CFAP299: variants seen among roughly 807,000 people sequenced by gnomAD.
The protein encoded by CFAP299 is cilia- and flagella-associated protein 299.
A neutral mutation model predicts 27.0 loss-of-function variants in CFAP299; 21 were observed. That is an observed-to-expected ratio of 0.78 (90% CI 0.55 to 1.12). The LOEUF is 1.12. Among genes scored for constraint, CFAP299 ranks in the 50% most tolerant of loss-of-function variants. The pLI is 0.00. For missense variants in CFAP299, 310 were observed against 276.6 expected (o/e 1.12, Z -0.86); for synonymous variants, 104 against 98.1 (o/e 1.06, Z -0.36).
intron 2 of CFAP299, among the ~76,000 whole-genome samples, chr4:80,407,053 G>A (rs979862005): frequency 6.6e-6 from 1 of 151,974 alleles, no homozygotes; most frequent in African/African-American, 2.4e-5. Flanking sequence ...ACTTAGCTAT[G>A]CTGCCTAATA....
At chr4:80,792,015 T>C (rs1267525485) in intron 3 of CFAP299, among the ~76,000 whole-genome samples, 4 of 151,550 alleles carry the variant, frequency 2.6e-5, no homozygotes, top group Admixed American at 2.6e-4. Context: ...AAATGAATAA[T>C]TCAATGTTAT....
At chr4:80,650,014 G>A (rs923590670) in intron 3 of CFAP299, among the ~76,000 whole-genome samples, 26 of 151,962 alleles carry the variant, frequency 1.7e-4, no homozygotes, top group African/African-American at 6.0e-4. Context: ...TTTCAGTTGG[G>A]AGGTTAGCTT....
chr4:80,519,199 TGTG>T (rs1732775595), intron 2 of CFAP299, among the ~76,000 whole-genome samples: 1 of 128,958 alleles, frequency 7.8e-6, no homozygotes, highest in East Asian at 3.5e-4. Flanking sequence ...TGTGTGTGTA[TGTG>T]TGTGTGTGTG....
At chr4:80,543,352 AC>A (rs1357913138) in intron 2 of CFAP299, among the ~76,000 whole-genome samples, 1 of 152,226 alleles carries the variant, frequency 6.6e-6, no homozygotes, top group African/African-American at 2.4e-5. Context: ...ATGATTCTTA[AC>A]CAGATTGAAA....
At chr4:80,688,562 A>AC (rs1374261377) in intron 3 of CFAP299, among the ~76,000 whole-genome samples, 1 of 152,218 alleles carries the variant, frequency 6.6e-6, no homozygotes, top group Non-Finnish European at 1.5e-5. Flanking sequence ...ATCATCAAAG[A>AC]CAAAAGTAGA....
intron 3 of CFAP299, among the ~76,000 whole-genome samples, chr4:80,814,096 A>G (rs959621725): frequency 1.6e-4 from 25 of 151,730 alleles, no homozygotes; most frequent in Non-Finnish European, 2.9e-4. Flanking sequence ...TAGTGCAATA[A>G]TTTTTCTTCT....
chr4:80,777,210 A>G (rs952173753), intron 3 of CFAP299, among the ~76,000 whole-genome samples: 32 of 152,294 alleles, frequency 2.1e-4, no homozygotes, highest in African/African-American at 6.7e-4. Context: ...GGAGGGAGCC[A>G]TAACAAATGT....
At position 80,956,839 on chromosome 4, in the gene CFAP299, G is replaced by A. The variant is rs1430763092; in HGVS notation, c.607-6678G>A. On this transcript the variant is annotated intron_variant, in intron 5 of 5. Coordinates refer to ENST00000358105, the MANE Select transcript of CFAP299 (RefSeq NM_152770.3). Reference sequence around the variant, plus strand: ...AATAAATTTTTAAAGTATTCTATGTGTAGAGGGTAGAAAACTTTTGGCTAT... The same window carrying A: ...AATAAATTTTTAAAGTATTCTATGTATAGAGGGTAGAAAACTTTTGGCTAT... Among the ~76,000 whole-genome samples the A allele has an allele frequency of 2.6e-5, 4 of 152,018 alleles. No individual in the cohort carries two copies. In the South Asian group the frequency reaches 6.2e-4, roughly 24 times the overall value.
At chr4:80,650,878 G>C (rs1300459739) in intron 3 of CFAP299, among the ~76,000 whole-genome samples, 2 of 152,016 alleles carry the variant, frequency 1.3e-5, no homozygotes, top group East Asian at 3.9e-4. Flanking sequence ...TGGGAAGGGG[G>C]TGCGGGATAT....
chr4:80,799,856 AATAT>A (rs1184610215), intron 3 of CFAP299, among the ~76,000 whole-genome samples: 1 of 27,266 alleles, frequency 3.7e-5, no homozygotes, highest in Non-Finnish European at 5.2e-5. Flanking sequence ...ATAATATATA[AATAT>A]ATATTATATA....
chr4:80,930,835 A>G (rs1383712220), intron 4 of CFAP299, among the ~76,000 whole-genome samples: 1 of 151,962 alleles, frequency 6.6e-6, no homozygotes, highest in Non-Finnish European at 1.5e-5. Context: ...TCCATCCCAA[A>G]TCCCACCCCT....
At chr4:80,900,702 A>G (rs925865552) in intron 4 of CFAP299, among the ~76,000 whole-genome samples, 5 of 152,042 alleles carry the variant, frequency 3.3e-5, no homozygotes, top group African/African-American at 4.8e-5. Context: ...ATATGGCAGT[A>G]TTCTCTGGAA....
chr4:80,917,703 A>G (rs1259926608), intron 4 of CFAP299, among the ~76,000 whole-genome samples: 1 of 152,110 alleles, frequency 6.6e-6, no homozygotes. Flanking sequence ...AGCCTTTTGT[A>G]TTTTGAGGAA....
intron 4 of CFAP299, among the ~76,000 whole-genome samples, chr4:80,935,655 G>A (rs1046872972): frequency 3.9e-5 from 6 of 152,004 alleles, no homozygotes; most frequent in South Asian, 4.1e-4. Flanking sequence ...TATAGAAACA[G>A]GCACAGATTT....
intron 4 of CFAP299, among the ~76,000 whole-genome samples, chr4:80,911,227 T>C (rs571682639): frequency 6.6e-6 from 1 of 151,498 alleles, no homozygotes; most frequent in Admixed American, 6.6e-5. Context: ...TTTTTTTTTT[T>C]TTTCTTGGAC....
chr4:80,916,219 A>ACC (rs1397778546), intron 4 of CFAP299, among the ~76,000 whole-genome samples: 1 of 136,440 alleles, frequency 7.3e-6, no homozygotes, highest in Admixed American at 7.9e-5. Flanking sequence ...CCAAGATTGT[A>ACC]CCATTGCACT....
At position 80,813,566 on chromosome 4, in the gene CFAP299, C is replaced by T. The variant is rs537279056; in HGVS notation, c.334-56427C>T. Among the ~76,000 whole-genome samples, 26 of 151,980 alleles carry T rather than the reference C, an allele frequency of 1.7e-4. 1 individual carries two copies. In the South Asian group the frequency reaches 3.3e-3, roughly 19 times the overall value. On this transcript the variant is annotated intron_variant, in intron 3 of 5. Coordinates refer to ENST00000358105, the MANE Select transcript of CFAP299 (RefSeq NM_152770.3). ...GTATCTTGTCCAAATAGTAAGGCTTCGGGGCTTGTGAATAAAAACAATGGC... is the reference window on the plus strand; with the variant it reads ...GTATCTTGTCCAAATAGTAAGGCTTTGGGGCTTGTGAATAAAAACAATGGC...
At chr4:80,684,792 T>G (rs1368989202) in intron 3 of CFAP299, among the ~76,000 whole-genome samples, 1 of 152,184 alleles carries the variant, frequency 6.6e-6, no homozygotes, top group African/African-American at 2.4e-5. Context: ...ATGCTTTTTT[T>G]TTCAGAGTAA....
chr4:80,336,029 G>A (rs1337345603), intron 1 of CFAP299, 150 bp downstream of exon 1: 1 of 610,092 alleles, frequency 1.6e-6, no homozygotes. Context: ...AGCCGCTGGC[G>A]AGGTGAATTG....
Sources: allele counts gnomAD v4.1 joint callset (sites outside exome capture counted in the v4.1 genomes callset), GRCh38; gene constraint gnomAD v4.1.1; transcripts MANE v1.5; gene names NCBI Gene and HGNC (gene_info 2026-07-23, HGNC 2026-07-21).